ASAP2: variants seen among roughly 807,000 people sequenced by gnomAD.
ASAP2 encodes the protein ArfGAP with SH3 domain, ankyrin repeat and PH domain 2, also known as arf-GAP with SH3 domain, ANK repeat and PH domain-containing protein 2.
A neutral mutation model predicts 131.4 loss-of-function variants in ASAP2; 45 were observed. That is an observed-to-expected ratio of 0.34 (90% confidence interval 0.27 to 0.44). The LOEUF (loss-of-function observed/expected upper bound fraction) is 0.44, where lower values mean the gene tolerates loss of function less well. ASAP2 is among the 20% of genes least tolerant of loss of function. The pLI is 1.00. For missense variants in ASAP2, 1,011 were observed against 1,297.0 expected (o/e 0.78, Z 3.39); for synonymous variants, 510 against 503.0 (o/e 1.01, Z -0.19).
chr2:9,388,441 A>G lies in ASAP2; in HGVS notation c.2278A>G (p.Asn760Asp). 1 of 1,614,110 alleles carries G rather than the reference A, an allele frequency of 6.2e-7. No individual in the cohort carries two copies. The highest frequency in any genetic ancestry group is 8.5e-7 in the Non-Finnish European group (1 of 1,180,008). The change falls in exon 22 of 28, where the codon AAT (asparagine) becomes GAT (aspartate). Residue 760 changes from asparagine to aspartate, a missense_variant. Asn to Asp is a conservative substitution (Grantham distance 23). Around this residue, in one of 2 missense-constraint regions of ASAP2, gnomAD observed 652 missense variants for 698.9 expected, o/e 0.93. Coordinates refer to ENST00000281419, the MANE Select transcript of ASAP2 (RefSeq NM_003887.3). The stretch of plus-strand genomic sequence containing the variant: ...GGCTTTCATGCCCAGCATCTTGCAG[A>G]ATGAGACTTACGGAGCCCTCCTGAG... ...QRAFMPSILQ[N>D]ETYGALLSGS...
At chr2:9,337,313 G>T (rs1671275672) in intron 9 of ASAP2, among the ~76,000 whole-genome samples, 1 of 152,164 alleles carries the variant, frequency 6.6e-6, no homozygotes, top group African/African-American at 2.4e-5. Flanking sequence ...GACAATCTTT[G>T]AACACAGTTG....
chr2:9,229,325 C>T (rs960012253), intron 1 of ASAP2, among the ~76,000 whole-genome samples: 1 of 152,118 alleles, frequency 6.6e-6, no homozygotes, highest in Non-Finnish European at 1.5e-5. Flanking sequence ...TCAGTGGTGC[C>T]CGCCACAGTG....
intron 25 of ASAP2, 102 bp from the exon 26 acceptor site, chr2:9,400,640 G>T: frequency 9.2e-7 from 1 of 1,085,378 alleles, no homozygotes. Flanking sequence ...CGGAACACCT[G>T]GGGAAACCTG....
intron 1 of ASAP2, among the ~76,000 whole-genome samples, chr2:9,264,055 G>A (rs1263006488): frequency 1.3e-5 from 2 of 151,970 alleles, no homozygotes; most frequent in Non-Finnish European, 2.9e-5. Flanking sequence ...AACCAGGTAT[G>A]GTGGTATGCA....
At chr2:9,273,574 T>C (rs1572323084) in intron 1 of ASAP2, among the ~76,000 whole-genome samples, 1 of 152,228 alleles carries the variant, frequency 6.6e-6, no homozygotes, top group Non-Finnish European at 1.5e-5. Context: ...ATCAGTCTCC[T>C]GGAGCATTCG....
Position 9,257,082 on chromosome 2 carries a change from G to A in ASAP2, c.127-22235G>A, listed in dbSNP as rs370737533. ...TTTCCCTAACAGCCTGTCACAGGGCGTTTGGTAGAAACTAAAGAGCAGCAG... is the reference window on the plus strand; with the variant it reads ...TTTCCCTAACAGCCTGTCACAGGGCATTTGGTAGAAACTAAAGAGCAGCAG... On this transcript the variant is annotated intron_variant, in intron 1 of 27. Coordinates refer to ENST00000281419, the MANE Select transcript of ASAP2 (RefSeq NM_003887.3). 1.2e-4 allele frequency among the ~76,000 whole-genome samples: 18 copies of A among 152,338 alleles called. No individual in the cohort carries two copies. In the South Asian group the frequency reaches 1.5e-3, roughly 12 times the overall value.
chr2:9,230,898 G>A (rs1663112392), intron 1 of ASAP2, among the ~76,000 whole-genome samples: 1 of 152,170 alleles, frequency 6.6e-6, no homozygotes, highest in South Asian at 2.1e-4. Context: ...AGGAGCATGG[G>A]CCAGGGGGTC....
chr2:9,259,739 G>A (rs1665444801), intron 1 of ASAP2, among the ~76,000 whole-genome samples: 1 of 152,230 alleles, frequency 6.6e-6, no homozygotes, highest in South Asian at 2.1e-4. Context: ...CCTTGTGTGT[G>A]TGTTTTAGCG....
chr2:9,230,925 G>A lies in ASAP2; in HGVS notation c.126+23695G>A, dbSNP rs534353618. ...CAGGGGGTCCTGTGTGACCTTGGAGGTGTGTGAGGGAGGCCCTGGGCTGGT... is the reference window on the plus strand; with the variant it reads ...CAGGGGGTCCTGTGTGACCTTGGAGATGTGTGAGGGAGGCCCTGGGCTGGT... On this transcript the variant is annotated intron_variant, in intron 1 of 27. Coordinates refer to ENST00000281419, the MANE Select transcript of ASAP2 (RefSeq NM_003887.3). Among the ~76,000 whole-genome samples the A allele has an allele frequency of 3.8e-4, 58 of 152,288 alleles. 1 individual carries two copies. Among genetic ancestry groups the A allele is most frequent in the Non-Finnish European group, 7.1e-4 (48 of 68,038 alleles).
chr2:9,351,773 C>T (rs149176537), intron 12 of ASAP2, among the ~76,000 whole-genome samples: 223 of 152,276 alleles, frequency 1.5e-3, no homozygotes, highest in African/African-American at 4.5e-3. Flanking sequence ...CAGCAAACTG[C>T]GGGTAATTAT....
At chr2:9,361,974 CGTGTGTGTGTGT>C (rs70948815) in intron 15 of ASAP2, among the ~76,000 whole-genome samples, 3,643 of 143,278 alleles carry the variant, frequency 0.025, 122 homozygotes, top group East Asian at 0.1. Context: ...TCTTTCTCTG[CGTGTGTGTGTGT>C]GTGTGTGTGT....
In ASAP2 at chr2:9,207,335, C is replaced by T; in HGVS notation, c.126+105C>T. 2 of 1,386,494 alleles carry T rather than the reference C, an allele frequency of 1.4e-6. No homozygotes were observed. The highest frequency in any genetic ancestry group is 1.9e-6 in the Non-Finnish European group (2 of 1,062,906). The allele number at this position is 1,386,494 out of a possible 1,614,324, so 85.9% of individuals were successfully genotyped here. ...GAGAAAACTTTCTTTGCTCCGAAGC[C>T]GGACGCGGCCGGGCCAACCCTGCCC... On this transcript the variant is annotated intron_variant, in intron 1 of 27. Transcript: ENST00000281419. The surrounding 1 kb of genome is among the most constrained non-coding windows in gnomAD (Gnocchi z 4.1).
In ASAP2 at chr2:9,393,574, A is replaced by G; in HGVS notation, c.2611A>G (p.Ile871Val). 6.3e-7 allele frequency: 1 copy of G among 1,596,148 alleles called. No individual in the cohort carries two copies. The highest frequency in any genetic ancestry group is 8.5e-7 in the Non-Finnish European group (1 of 1,172,848). ...SQPSKPAPPG[I>V]SQIRPPPLPP... ...GCCGAGCAAGCCTGCCCCGCCTGGGATCTCACAGATCAGGCCCCCACCTCT... is the reference window on the plus strand; with the variant it reads ...GCCGAGCAAGCCTGCCCCGCCTGGGGTCTCACAGATCAGGCCCCCACCTCT... The change falls in exon 24 of 28, where the codon ATC becomes GTC. Residue 871 changes from isoleucine to valine, a missense_variant. Physicochemically the swap from Ile to Val is conservative, Grantham distance 29 (BLOSUM62 3). This residue lies in a region of ASAP2 where 652 missense variants were observed against 698.9 expected (regional missense o/e 0.93). Coordinates refer to ENST00000281419, the MANE Select transcript of ASAP2 (RefSeq NM_003887.3).
chr2:9,382,591 C>G (rs547666946), intron 20 of ASAP2, among the ~76,000 whole-genome samples: 2 of 152,350 alleles, frequency 1.3e-5, no homozygotes, highest in Non-Finnish European at 2.9e-5. Flanking sequence ...GCTGGGTTTA[C>G]AGTGAATGAG....
chr2:9,322,464 C>T (rs1249219646), intron 5 of ASAP2, among the ~76,000 whole-genome samples: 1 of 152,132 alleles, frequency 6.6e-6, no homozygotes, highest in African/African-American at 2.4e-5. Flanking sequence ...GTTTAGTCTC[C>T]TTTTCTCCAG....
chr2:9,364,793 A>G (rs1333980715), intron 15 of ASAP2, among the ~76,000 whole-genome samples: 1 of 152,214 alleles, frequency 6.6e-6, no homozygotes, highest in African/African-American at 2.4e-5. Context: ...GCAACAGGAA[A>G]TTGACTATCA....
chr2:9,344,764 A>G lies in ASAP2; in HGVS notation c.987A>G (p.Ser329=). The G allele has an allele frequency of 6.2e-7, 1 of 1,614,174 alleles. No homozygotes were observed. The highest frequency in any genetic ancestry group is 1.3e-5 in the African/African-American group (1 of 75,054). The change falls in exon 11 of 28, where the codon TCA becomes TCG. Residue 329 remains serine (S), a synonymous_variant. Transcript: ENST00000281419. ...AAGTGTGGCAGAAAAGGAAATGTTC[A>G]GTTAAAAATGGTTTTCTGACCATAT... ...IRKVWQKRKC[S]VKNGFLTISH...
chr2:9,362,902 T>G (rs1453881934), intron 15 of ASAP2, among the ~76,000 whole-genome samples: 1 of 152,238 alleles, frequency 6.6e-6, no homozygotes, highest in African/African-American at 2.4e-5. Context: ...TGTTGTACAC[T>G]AGATCCCTAG....
rs139980237 is a variant in ASAP2, at chr2:9,349,266, A to G, written c.1024-1542A>G. Among the ~76,000 whole-genome samples, 68 of 152,304 alleles carry G rather than the reference A, an allele frequency of 4.5e-4. No individual in the cohort carries two copies. In the East Asian group the frequency reaches 0.011, roughly 25 times the overall value. ...AACCTTAGATATAGGAGTTATTCCT[A>G]TATCTAAGACCCCACAATTTGGAAG... On this transcript the variant is annotated intron_variant, in intron 11 of 27. Transcript: ENST00000281419.
Sources: allele counts gnomAD v4.1 joint callset (sites outside exome capture counted in the v4.1 genomes callset), GRCh38; gene constraint gnomAD v4.1.1; regional missense constraint gnomAD v4.1.1; non-coding constraint Gnocchi (gnomAD v3.1); transcripts MANE v1.5; gene names NCBI Gene and HGNC (gene_info 2026-07-23, HGNC 2026-07-21).